ELP2: variants seen among roughly 807,000 people sequenced by gnomAD.
ELP2 encodes the protein elongator complex protein 2.
ELP2 carries 90 observed loss-of-function variants against 119.2 expected under a neutral mutation model. That is an observed-to-expected ratio of 0.75 (90% CI 0.64 to 0.90). The LOEUF (loss-of-function observed/expected upper bound fraction) is 0.90, where lower values mean the gene tolerates loss of function less well. ELP2 is among the 40% of genes least tolerant of loss of function. ELP2 has a pLI of 0.00. For synonymous variants in ELP2, 339 were observed against 331.0 expected (o/e 1.02, Z -0.26); for missense variants, 921 against 967.8 (o/e 0.95, Z 0.64).
chr18:36,166,980 G>A (rs1302970719), intron 18 of ELP2, 121 bp from the exon 19 acceptor site: 2 of 1,057,218 alleles, frequency 1.9e-6, no homozygotes, highest in African/African-American at 1.6e-5. Context: ...TATTTCAAAA[G>A]TCAGTGCATA....
chr18:36,130,880 C>A (rs1263398712), intron 1 of ELP2, among the ~76,000 whole-genome samples: 2 of 152,100 alleles, frequency 1.3e-5, no homozygotes. Flanking sequence ...TTAAAAATTT[C>A]ATTATTGGCC....
intron 5 of ELP2, 27 bp from the exon 6 acceptor site, chr18:36,141,110 A>G: frequency 6.3e-7 from 1 of 1,595,258 alleles, no homozygotes; most frequent in Non-Finnish European, 8.6e-7. Context: ...GAGAACTCAC[A>G]GTGAAGCCTG....
chr18:36,154,782 C>A, intron 11 of ELP2, 68 bp from the exon 12 acceptor site: 2 of 1,574,640 alleles, frequency 1.3e-6, no homozygotes, highest in Non-Finnish European at 1.7e-6. Flanking sequence ...TGTTATCAGA[C>A]GTGAGTGCTT....
intron 17 of ELP2, among the ~76,000 whole-genome samples, chr18:36,162,463 C>T (rs528466173): frequency 1.3e-5 from 2 of 152,244 alleles, no homozygotes; most frequent in Admixed American, 6.5e-5. Flanking sequence ...TTGATCCATT[C>T]ACTTATTAAT....
At chr18:36,170,830 C>A in intron 20 of ELP2, 1 of 576,582 alleles carries the variant, frequency 1.7e-6, no homozygotes, top group Non-Finnish European at 3.1e-6. Flanking sequence ...ATGGGCCTTG[C>A]CAGCAGAGGA....
chr18:36,173,209 AATGAG>A (rs1317975139), intron 21 of ELP2, among the ~76,000 whole-genome samples: 1 of 152,234 alleles, frequency 6.6e-6, no homozygotes, highest in Non-Finnish European at 1.5e-5. Flanking sequence ...CTTTTAATGA[AATGAG>A]ATAACTCTAA....
intron 11 of ELP2, among the ~76,000 whole-genome samples, chr18:36,147,850 CACTT>C (rs1391006121): frequency 5.3e-5 from 8 of 152,082 alleles, no homozygotes; most frequent in African/African-American, 1.9e-4. Context: ...TTTTTATTAA[CACTT>C]ACTTTTTTTT....
chr18:36,150,216 A>G (rs1475872477), intron 11 of ELP2, among the ~76,000 whole-genome samples: 1 of 152,146 alleles, frequency 6.6e-6, no homozygotes, highest in Non-Finnish European at 1.5e-5. Context: ...TCTTTCTGGC[A>G]TTATGTGCCT....
intron 11 of ELP2, among the ~76,000 whole-genome samples, chr18:36,149,488 G>T (rs9957526): frequency 0.9 from 112,632 of 124,588 alleles, 50,718 homozygotes; most frequent in Non-Finnish European, 0.93. Context: ...GTTTTGTTTT[G>T]TTTTTTTTTT....
rs2090669851 is a variant in ELP2 at position 36,159,598 on chromosome 18, T to G, written c.1535-137T>G. Reference sequence around the variant, plus strand: ...TGGAGTAATGGAAATACTCTTGCCTTTGGAATCACATGGACACAGCTGTGA... The same window carrying G: ...TGGAGTAATGGAAATACTCTTGCCTGTGGAATCACATGGACACAGCTGTGA... On this transcript the variant is annotated intron_variant, in intron 14 of 21. Transcript: ENST00000358232. 4 of 725,016 alleles carry G rather than the reference T, an allele frequency of 5.5e-6. No homozygotes were observed. In the East Asian group the frequency reaches 1.0e-4, roughly 18 times the overall value. 44.9% of individuals were successfully genotyped at this position (725,016 alleles called of 1,614,324 possible). A position where few individuals can be genotyped will look rare whatever the true frequency, so the allele number is the denominator to read the frequency against.
At chr18:36,168,974 G>T (rs542320707) in intron 19 of ELP2, among the ~76,000 whole-genome samples, 6 of 136,288 alleles carry the variant, frequency 4.4e-5, no homozygotes, top group Admixed American at 1.7e-4. Flanking sequence ...GCCTAGGCTG[G>T]AGTGCAGTGG....
At chr18:36,173,947 C>G (rs2091156115) in intron 21 of ELP2, among the ~76,000 whole-genome samples, 1 of 152,078 alleles carries the variant, frequency 6.6e-6, no homozygotes, top group East Asian at 1.9e-4. Flanking sequence ...TGGTCTTGCC[C>G]AAGGTCACGC....
rs1163034820 is a variant in ELP2 at position 36,138,367 on chromosome 18, T to G, written c.386T>G (p.Leu129Arg). ...ACATCAGATCCTGCATTATGTACAC[T>G]GATCGTTTCTGCAGCTGCAGATTCT... is the stretch of plus-strand genomic sequence containing the variant. ...RRTSDPALCTLIVSAAADSAV... is the reference protein window; with the variant it reads ...RRTSDPALCTRIVSAAADSAV... The change falls in exon 4 of 22, where the codon CTG (leucine) becomes CGG (arginine). Residue 129 changes from leucine (L) to arginine (R), a missense_variant. By Grantham distance (102) the Leu-to-Arg change is moderately radical (BLOSUM62 -2). Transcript: ENST00000358232. 6.8e-6 allele frequency: 11 copies of G among 1,614,024 alleles called. No homozygotes were observed. Among genetic ancestry groups the G allele is most frequent in the Non-Finnish European group, 9.3e-6 (11 of 1,180,012 alleles).
intron 4 of ELP2, 102 bp from the exon 5 acceptor site, chr18:36,138,691 ATC>A: frequency 9.7e-7 from 1 of 1,031,368 alleles, no homozygotes; most frequent in Non-Finnish European, 1.5e-6. Context: ...GACTTCTCTC[ATC>A]TCCCTTCTGC....
intron 8 of ELP2, among the ~76,000 whole-genome samples, chr18:36,144,486 T>G (rs1010393504): frequency 8.5e-5 from 13 of 152,094 alleles, no homozygotes; most frequent in Non-Finnish European, 4.4e-5. Context: ...TCCCACCAGA[T>G]CCTTCCCTTG....
intron 11 of ELP2, among the ~76,000 whole-genome samples, chr18:36,153,147 G>C (rs143569558): frequency 3.0e-4 from 46 of 152,318 alleles, no homozygotes; most frequent in Non-Finnish European, 2.9e-4. Context: ...GTGACCAAGG[G>C]ATTGAATTTT....
At chr18:36,138,130 A>G in intron 3 of ELP2, 140 bp from the exon 4 acceptor site, 1 of 752,436 alleles carries the variant, frequency 1.3e-6, no homozygotes, top group Non-Finnish European at 2.2e-6. Flanking sequence ...TAACATGGTC[A>G]GACAGACTTC....
intron 11 of ELP2, among the ~76,000 whole-genome samples, chr18:36,150,775 G>A (rs2090370566): frequency 6.6e-6 from 1 of 152,132 alleles, no homozygotes; most frequent in Non-Finnish European, 1.5e-5. Context: ...ACCAGGTAGG[G>A]GAAACATTCC....
At chr18:36,137,990 C>A in intron 3 of ELP2, 1 of 378,842 alleles carries the variant, frequency 2.6e-6, no homozygotes, top group Non-Finnish European at 5.0e-6. Flanking sequence ...TAATGAAAAT[C>A]ACACTAATCC....
Sources: allele counts gnomAD v4.1 joint callset (sites outside exome capture counted in the v4.1 genomes callset), GRCh38; gene constraint gnomAD v4.1.1; transcripts MANE v1.5; gene names NCBI Gene and HGNC (gene_info 2026-07-23, HGNC 2026-07-21).